Variants in PRKD1 observed in about 807,000 individuals in gnomAD.
PRKD1 encodes the protein protein kinase D1.
PRKD1 carries 63 observed loss-of-function variants against 95.9 expected under a neutral mutation model. The observed-to-expected ratio is 0.66, with a 90% CI of 0.54 to 0.81. The LOEUF is 0.81. Ranked by LOEUF, PRKD1 falls within the 30% of genes least tolerant of loss-of-function variation. The pLI is 0.00. For missense variants in PRKD1, 1,048 were observed against 1,165.3 expected, an observed-to-expected ratio of 0.90 and a Z score of 1.47; for synonymous variants, 425 against 423.1, an observed-to-expected ratio of 1.00 and a Z score of -0.05.
At chr14:29,859,379 C>T (rs538151850) in intron 1 of PRKD1, among the ~76,000 whole-genome samples, 13 of 151,898 alleles carry the variant, frequency 8.6e-5, no homozygotes, top group African/African-American at 1.9e-4. Flanking sequence ...GAGGCTGAGG[C>T]GGGTGGATCA....
At chr14:29,875,379 A>T (rs1893250906) in intron 1 of PRKD1, among the ~76,000 whole-genome samples, 2 of 152,224 alleles carry the variant, frequency 1.3e-5, no homozygotes, top group East Asian at 1.9e-4. Flanking sequence ...GATGCAACTA[A>T]CAAGTGATTC....
rs1425414542 is a variant in PRKD1, at chr14:29,577,225, T to C, written c.*13A>G. On this transcript the variant is annotated 3_prime_UTR_variant, in exon 18 of 18. Coordinates refer to ENST00000331968, the MANE Select transcript of PRKD1 (RefSeq NM_002742.3). ...AGTTCCACAGTGTTTTGACAGATTA[T>C]AGGAGATGGAACTCAGAGGATGCTG... is the stretch of plus-strand genomic sequence containing the variant. The C allele has an allele frequency of 1.2e-6, 2 of 1,601,408 alleles. No individual in the cohort carries two copies. The highest frequency in any genetic ancestry group is 2.2e-5 in the East Asian group (1 of 44,828).
At chr14:29,636,764 A>C (rs1375665916) in intron 6 of PRKD1, among the ~76,000 whole-genome samples, 5 of 151,936 alleles carry the variant, frequency 3.3e-5, no homozygotes, top group Non-Finnish European at 7.4e-5. Context: ...ATTTTTCCTG[A>C]TCCTCCCACC....
chr14:29,665,899 G>GTA (rs1217695897), intron 3 of PRKD1, among the ~76,000 whole-genome samples, 178 bp downstream of exon 3: 1 of 151,742 alleles, frequency 6.6e-6, no homozygotes, highest in Non-Finnish European at 1.5e-5. Flanking sequence ...TGAAGAAAAT[G>GTA]TATATATACA....
At chr14:29,703,260 T>C (rs971711602) in intron 2 of PRKD1, among the ~76,000 whole-genome samples, 2 of 152,178 alleles carry the variant, frequency 1.3e-5, no homozygotes, top group African/African-American at 4.8e-5. Context: ...TGGAATAAAG[T>C]TAATGTCTCC....
At chr14:29,605,195 T>C (rs1356073767) in intron 13 of PRKD1, among the ~76,000 whole-genome samples, 1 of 151,512 alleles carries the variant, frequency 6.6e-6, no homozygotes, top group Non-Finnish European at 1.5e-5. Flanking sequence ...CAATCCATTC[T>C]TCAAAAGGCT....
chr14:29,781,779 G>C (rs953548221), intron 1 of PRKD1, among the ~76,000 whole-genome samples: 1 of 152,114 alleles, frequency 6.6e-6, no homozygotes, highest in African/African-American at 2.4e-5. Flanking sequence ...ACATACCATA[G>C]AACACACCTT....
At chr14:29,608,138 T>C (rs1251560037) in intron 13 of PRKD1, among the ~76,000 whole-genome samples, 4 of 152,200 alleles carry the variant, frequency 2.6e-5, no homozygotes, top group Non-Finnish European at 5.9e-5. Flanking sequence ...TTTGCCAATC[T>C]GGATGCATCT....
At chr14:29,888,805 A>C (rs1336060168) in intron 1 of PRKD1, among the ~76,000 whole-genome samples, 1 of 152,230 alleles carries the variant, frequency 6.6e-6, no homozygotes, top group African/African-American at 2.4e-5. Context: ...CCTAGTTTCA[A>C]AGTCCTGAGC....
intron 1 of PRKD1, among the ~76,000 whole-genome samples, chr14:29,836,134 G>C (rs1594563669): frequency 6.6e-6 from 1 of 152,098 alleles, no homozygotes; most frequent in East Asian, 1.9e-4. Flanking sequence ...TACAGAGAAG[G>C]CATTTCAAAC....
intron 4 of PRKD1, among the ~76,000 whole-genome samples, chr14:29,640,661 G>T (rs916559687): frequency 6.6e-6 from 1 of 152,200 alleles, no homozygotes; most frequent in Non-Finnish European, 1.5e-5. Context: ...TAAACTCCCT[G>T]TTCCAGTGTC....
At position 29,922,943 on chromosome 14, in the gene PRKD1, G is replaced by A. The variant is rs138016768; in HGVS notation, c.264+4306C>T. The stretch of plus-strand genomic sequence containing the variant: ...ACTTAAGAATCACTTAATAGGCCAG[G>A]CCCAGTGGCTCACACCCAGTGGGAT... On this transcript the variant is annotated intron_variant, in intron 1 of 17. Transcript: ENST00000331968. Among the ~76,000 whole-genome samples, 52 of 151,782 alleles carry A rather than the reference G, an allele frequency of 3.4e-4. No homozygotes were observed. In the East Asian group the frequency reaches 9.1e-3, roughly 27 times the overall value.
chr14:29,847,113 C>A (rs908550435), intron 1 of PRKD1, among the ~76,000 whole-genome samples: 1 of 152,146 alleles, frequency 6.6e-6, no homozygotes, highest in Non-Finnish European at 1.5e-5. Flanking sequence ...TATGCATTAG[C>A]TTCTTCCAGG....
rs61509628 is a variant in PRKD1, at chr14:29,676,192, T to TTGGTTTTTTTTTG, written c.404-9985_404-9984insCAAAAAAAAACCA. 2.3e-5 allele frequency among the ~76,000 whole-genome samples: 3 copies of TTGGTTTTTTTTTG among 128,528 alleles called. No individual in the cohort carries two copies. The Admixed American group carries it at 2.4e-4, about 10-fold the overall frequency. The allele number at this position is 128,528 out of a possible 152,430, so 84.3% of individuals were successfully genotyped here. A position where few individuals can be genotyped will look rare whatever the true frequency, so the allele number is the denominator to read the frequency against. ...AGTTCATTACGTTTTTGTTTTTTTT[T>TTGGTTTTTTTTTG]TTTTTTTTTTTGCTGAGTTGTATTT... On this transcript the variant is annotated intron_variant, in intron 2 of 17. Coordinates refer to ENST00000331968, the MANE Select transcript of PRKD1 (RefSeq NM_002742.3).
At chr14:29,690,679 C>A (rs1205331329) in intron 2 of PRKD1, among the ~76,000 whole-genome samples, 1 of 152,138 alleles carries the variant, frequency 6.6e-6, no homozygotes, top group Non-Finnish European at 1.5e-5. Context: ...TTTATGTAAT[C>A]CTCCAATCTG....
At chr14:29,836,984 T>C (rs1487680922) in intron 1 of PRKD1, among the ~76,000 whole-genome samples, 1 of 152,166 alleles carries the variant, frequency 6.6e-6, no homozygotes, top group Non-Finnish European at 1.5e-5. Context: ...GATGGTTACC[T>C]TACATTCTGG....
At chr14:29,815,034 A>T (rs1890636289) in intron 1 of PRKD1, among the ~76,000 whole-genome samples, 2 of 152,336 alleles carry the variant, frequency 1.3e-5, no homozygotes, top group Admixed American at 1.3e-4. Context: ...AAATTGTGTC[A>T]TTAAAATCAA....
At position 29,632,906 on chromosome 14, in the gene PRKD1, G is replaced by A. The variant is rs769559001; in HGVS notation, c.1355C>T (p.Thr452Ile). The A allele has an allele frequency of 8.1e-6, 13 of 1,613,718 alleles. No individual in the cohort carries two copies. The Admixed American group carries it at 1.8e-4, about 23-fold the overall frequency. ...GCTTCCTGTGTCATTCTGAAAGAGGGTAATACATTTGCTATCCAATCTCCA... is the reference window on the plus strand; with the variant it reads ...GCTTCCTGTGTCATTCTGAAAGAGGATAATACATTTGCTATCCAATCTCCA... ...HYWRLDSKCITLFQNDTGSRY... is the reference protein window; with the variant it reads ...HYWRLDSKCIILFQNDTGSRY... The change falls in exon 9 of 18, where the codon ACC becomes ATC. Residue 452 changes from threonine (T) to isoleucine (I), a missense_variant. Physicochemically the swap from Thr to Ile is moderately conservative, Grantham distance 89. This residue lies in a region of PRKD1 where 739 missense variants were observed against 861.9 expected (regional missense o/e 0.86). Transcript: ENST00000331968.
At chr14:29,706,046 A>T (rs1298963481) in intron 2 of PRKD1, among the ~76,000 whole-genome samples, 1 of 152,084 alleles carries the variant, frequency 6.6e-6, no homozygotes, top group African/African-American at 2.4e-5. Context: ...CAGCTGCACC[A>T]TTTTACATTC....
Sources: allele counts gnomAD v4.1 joint callset (sites outside exome capture counted in the v4.1 genomes callset), GRCh38; gene constraint gnomAD v4.1.1; regional missense constraint gnomAD v4.1.1; transcripts MANE v1.5; gene names NCBI Gene and HGNC (gene_info 2026-07-23, HGNC 2026-07-21).